The following FSTL5 variants were observed in gnomAD, a reference collection of about 807,000 sequenced individuals.
FSTL5 encodes follistatin-related protein 5.
A neutral mutation model predicts 89.1 loss-of-function variants in FSTL5; 62 were observed. That is an observed-to-expected ratio of 0.70 (90% CI 0.57 to 0.86). The LOEUF (loss-of-function observed/expected upper bound fraction) is 0.86. Among genes scored for constraint, FSTL5 ranks in the 40% least tolerant of loss-of-function variants. FSTL5 has a pLI of 0.00. For synonymous variants in FSTL5, 383 were observed against 346.2 expected (o/e 1.11, Z -1.18); for missense variants, 1,057 against 1,001.6 (o/e 1.06, Z -0.75).
intron 4 of FSTL5, among the ~76,000 whole-genome samples, chr4:161,884,834 C>T (rs145302492): frequency 3.6e-4 from 55 of 152,146 alleles, no homozygotes; most frequent in African/African-American, 1.2e-3. Flanking sequence ...AACTGATGTT[C>T]GTCTTGCTTT....
chr4:161,534,322 TA>T (rs1409630438), intron 10 of FSTL5, among the ~76,000 whole-genome samples: 1 of 151,970 alleles, frequency 6.6e-6, no homozygotes, highest in African/African-American at 2.4e-5. Context: ...ATCCTATACA[TA>T]AAAAACCCTA....
At chr4:162,058,151 G>C (rs1051563515) in intron 2 of FSTL5, among the ~76,000 whole-genome samples, 1 of 151,970 alleles carries the variant, frequency 6.6e-6, no homozygotes, top group Non-Finnish European at 1.5e-5. Context: ...GGTGAGTGTG[G>C]GTAATGAAAT....
At chr4:161,716,422 C>T (rs970842312) in intron 6 of FSTL5, among the ~76,000 whole-genome samples, 1 of 152,046 alleles carries the variant, frequency 6.6e-6, no homozygotes, top group Admixed American at 6.6e-5. Context: ...CATGGCAAAA[C>T]CCTGTCTCTA....
chr4:161,820,770 T>C (rs1009267709), intron 4 of FSTL5, among the ~76,000 whole-genome samples: 3 of 152,134 alleles, frequency 2.0e-5, no homozygotes, highest in Admixed American at 2.0e-4. Context: ...CCTATATTAC[T>C]ACTTGAGAAC....
chr4:161,954,723 T>C (rs991900228), intron 3 of FSTL5, among the ~76,000 whole-genome samples: 2 of 151,606 alleles, frequency 1.3e-5, no homozygotes, highest in African/African-American at 4.8e-5. Flanking sequence ...TATTCACCTA[T>C]ACCAAACACA....
chr4:161,530,451 G>A, intron 10 of FSTL5, among the ~76,000 whole-genome samples: 1 of 106,980 alleles, frequency 9.3e-6, no homozygotes, highest in Non-Finnish European at 2.1e-5. Context: ...CATTTGAAAT[G>A]TGTTTTTTAA....
At chr4:162,001,576 C>T (rs954955033) in intron 3 of FSTL5, among the ~76,000 whole-genome samples, 1 of 148,948 alleles carries the variant, frequency 6.7e-6, no homozygotes, top group Non-Finnish European at 1.5e-5. Flanking sequence ...ACATAAAGTG[C>T]CTTCTGCTAA....
chr4:161,403,810 T>C (rs927530786), intron 15 of FSTL5, among the ~76,000 whole-genome samples: 2 of 152,100 alleles, frequency 1.3e-5, no homozygotes, highest in African/African-American at 4.8e-5. Flanking sequence ...ACGTCAAAGG[T>C]CTATCTGGGC....
chr4:161,818,949 A>G (rs1172361653), intron 4 of FSTL5, among the ~76,000 whole-genome samples: 1 of 152,108 alleles, frequency 6.6e-6, no homozygotes, highest in Non-Finnish European at 1.5e-5. Flanking sequence ...AAACCATCTT[A>G]AGTAATAACT....
intron 6 of FSTL5, among the ~76,000 whole-genome samples, chr4:161,683,897 T>C (rs1737612632): frequency 6.6e-6 from 1 of 152,164 alleles, no homozygotes; most frequent in Non-Finnish European, 1.5e-5. Context: ...CCTCACCTCC[T>C]TCCCAGTCTT....
chr4:161,857,603 AT>A (rs1169187360), intron 4 of FSTL5, among the ~76,000 whole-genome samples: 1 of 152,138 alleles, frequency 6.6e-6, no homozygotes, highest in Non-Finnish European at 1.5e-5. Context: ...ACATGAGTAG[AT>A]TTTAACAAAT....
intron 4 of FSTL5, among the ~76,000 whole-genome samples, chr4:161,833,070 G>T (rs1455818056): frequency 6.6e-6 from 1 of 150,930 alleles, no homozygotes; most frequent in Non-Finnish European, 1.5e-5. Flanking sequence ...CAGAGATTCT[G>T]GTATGTTGTG....
At chr4:161,550,908 C>T (rs13132559) in intron 8 of FSTL5, among the ~76,000 whole-genome samples, 249 of 151,610 alleles carry the variant, frequency 1.6e-3, no homozygotes, top group African/African-American at 4.9e-3. Flanking sequence ...ACAAAGGACA[C>T]GAACTCATCA....
chr4:161,608,871 CCA>C (rs962135847), intron 7 of FSTL5, among the ~76,000 whole-genome samples: 13 of 151,998 alleles, frequency 8.6e-5, no homozygotes, highest in African/African-American at 2.4e-4. Context: ...TTTCAACTAG[CCA>C]CAGTCTTTTC....
At chr4:161,535,086 G>C (rs1731550392) in intron 10 of FSTL5, among the ~76,000 whole-genome samples, 1 of 152,158 alleles carries the variant, frequency 6.6e-6, no homozygotes, top group South Asian at 2.1e-4. Context: ...ATGGGTTAAA[G>C]ATTTCAGTGT....
intron 2 of FSTL5, among the ~76,000 whole-genome samples, chr4:162,056,958 A>G (rs1738564072): frequency 6.6e-6 from 1 of 152,242 alleles, no homozygotes; most frequent in Non-Finnish European, 1.5e-5. Flanking sequence ...ATCTGTTGTG[A>G]ATTTCATTAT....
intron 6 of FSTL5, among the ~76,000 whole-genome samples, chr4:161,697,110 A>C (rs573973773): frequency 1.3e-5 from 2 of 152,216 alleles, no homozygotes; most frequent in Non-Finnish European, 2.9e-5. Flanking sequence ...TCAGATCTCC[A>C]TAGCACAAAG....
At chr4:162,109,529 G>A (rs754188994) in intron 2 of FSTL5, among the ~76,000 whole-genome samples, 1 of 152,046 alleles carries the variant, frequency 6.6e-6, no homozygotes. Context: ...TGACTTCAAT[G>A]ATTTTTGGTA....
At chr4:161,644,469 T>C (rs1016533975) in intron 7 of FSTL5, among the ~76,000 whole-genome samples, 3 of 150,864 alleles carry the variant, frequency 2.0e-5, no homozygotes, top group Non-Finnish European at 4.4e-5. Context: ...GAGGTTGTAG[T>C]GAGCCGAGGC....
Sources: gnomAD v4.1 joint callset for allele counts (sites outside exome capture counted in the v4.1 genomes callset) on GRCh38, gnomAD v4.1.1 for gene constraint, MANE v1.5 for transcripts, NCBI Gene and HGNC (gene_info 2026-07-23, HGNC 2026-07-21) for gene names.